DENND1B: variants seen among roughly 807,000 people sequenced by gnomAD.
DENND1B encodes the protein DENN domain-containing protein 1B.
DENND1B carries 59 observed loss-of-function variants against 90.1 expected under a neutral mutation model. The ratio of observed to expected loss-of-function variants is 0.65; its 90% CI spans 0.53 to 0.81. The LOEUF (loss-of-function observed/expected upper bound fraction) is 0.81. DENND1B is among the 40% of genes least tolerant of loss of function. DENND1B has a pLI of 0.00. For synonymous variants in DENND1B, 337 were observed against 324.6 expected (o/e 1.04, Z -0.41); for missense variants, 862 against 912.6 (o/e 0.94, Z 0.71).
At chr1:197,645,039 A>G (rs1430430004) in intron 9 of DENND1B, among the ~76,000 whole-genome samples, 3 of 152,134 alleles carry the variant, frequency 2.0e-5, no homozygotes, top group Non-Finnish European at 4.4e-5. Context: ...CTACTTGTCT[A>G]TGTAAACATT....
intron 4 of DENND1B, 111 bp from the exon 5 acceptor site, chr1:197,672,267 G>A: frequency 1.5e-6 from 2 of 1,291,618 alleles, no homozygotes; most frequent in Non-Finnish European, 2.1e-6. Flanking sequence ...TTTCTAATCA[G>A]TTGGTTCTTG....
intron 20 of DENND1B, among the ~76,000 whole-genome samples, chr1:197,516,094 CATTTCTATATAGGG>C (rs1668378518): frequency 6.6e-6 from 1 of 151,734 alleles, no homozygotes; most frequent in Non-Finnish European, 1.5e-5. Context: ...GCATTCTATC[CATTTCTATATAGGG>C]ATGTTAAACA....
intron 15 of DENND1B, among the ~76,000 whole-genome samples, chr1:197,564,379 C>A (rs1571891981): frequency 2.5e-5 from 2 of 79,046 alleles, no homozygotes; most frequent in Non-Finnish European, 2.3e-5. Flanking sequence ...AATACTGAGG[C>A]AAGAACCTCC....
intron 2 of DENND1B, among the ~76,000 whole-genome samples, chr1:197,745,937 C>T (rs1663700026): frequency 1.3e-5 from 2 of 152,026 alleles, no homozygotes; most frequent in Non-Finnish European, 2.9e-5. Context: ...TCTACTGCTT[C>T]CAATAAAAAA....
At chr1:197,583,454 C>T (rs540634752) in intron 14 of DENND1B, among the ~76,000 whole-genome samples, 10 of 152,112 alleles carry the variant, frequency 6.6e-5, no homozygotes, top group Non-Finnish European at 1.5e-4. Flanking sequence ...TCCAGGATCC[C>T]ATGTACTCTT....
chr1:197,536,151 A>AT (rs1159496077), intron 20 of DENND1B, among the ~76,000 whole-genome samples: 2,865 of 114,092 alleles, frequency 0.025, 102 homozygotes, highest in African/African-American at 0.084. Context: ...AGAGAGAGAG[A>AT]GAGAGAGATA....
chr1:197,772,864 A>G lies in DENND1B; in HGVS notation c.82+4T>C. 6.4e-7 allele frequency: 1 copy of G among 1,551,178 alleles called. No individual in the cohort carries two copies. The highest frequency in any genetic ancestry group is 1.2e-5 in the South Asian group (1 of 83,992). On this transcript the variant is annotated splice_donor_region_variant and intron_variant, in intron 2 of 22. Transcript: ENST00000620048. Reference sequence around the variant, plus strand: ...TCAAATAACAGAACACAGAAGACACATACCTTCATTTTCAGAGGCATGACA... The same window carrying G: ...TCAAATAACAGAACACAGAAGACACGTACCTTCATTTTCAGAGGCATGACA...
At chr1:197,529,318 ATGTG>A (rs1379252642) in intron 20 of DENND1B, among the ~76,000 whole-genome samples, 11 of 146,956 alleles carry the variant, frequency 7.5e-5, no homozygotes, top group African/African-American at 2.8e-4. Flanking sequence ...ATGTATATAT[ATGTG>A]TGTATATATA....
At chr1:197,631,852 CATAATT>C (rs1231237019) in intron 10 of DENND1B, among the ~76,000 whole-genome samples, 2 of 151,934 alleles carry the variant, frequency 1.3e-5, no homozygotes, top group East Asian at 3.9e-4. Flanking sequence ...TATGCATACA[CATAATT>C]ATAAAGTGAA....
intron 14 of DENND1B, among the ~76,000 whole-genome samples, chr1:197,587,584 T>C (rs755190935): frequency 6.6e-6 from 1 of 152,164 alleles, no homozygotes; most frequent in Admixed American, 6.5e-5. Flanking sequence ...ATATATCTTA[T>C]CTGTGAACTC....
intron 5 of DENND1B, among the ~76,000 whole-genome samples, chr1:197,661,516 G>A (rs1654404236): frequency 1.3e-5 from 2 of 152,006 alleles, no homozygotes; most frequent in South Asian, 4.1e-4. Flanking sequence ...AGAACATGCT[G>A]GTCTGTTTCT....
the DENND1B span, among the ~76,000 whole-genome samples, chr1:197,781,838 T>G: frequency 6.6e-6 from 1 of 152,224 alleles, no homozygotes; most frequent in African/African-American, 2.4e-5. Flanking sequence ...ATTTCTAAAA[T>G]TCAATGGGTC....
intron 22 of DENND1B, 54 bp from the exon 23 acceptor site, chr1:197,511,026 A>T: frequency 4.2e-6 from 6 of 1,413,578 alleles, no homozygotes; most frequent in Non-Finnish European, 5.6e-6. Context: ...GCATTAATTT[A>T]GTTCTTTTTT....
chr1:197,669,126 A>G (rs1489988315), intron 5 of DENND1B, among the ~76,000 whole-genome samples: 1 of 152,090 alleles, frequency 6.6e-6, no homozygotes, highest in East Asian at 1.9e-4. Context: ...GTGGTTGTAA[A>G]TATATTTCCA....
intron 10 of DENND1B, among the ~76,000 whole-genome samples, chr1:197,622,485 C>T (rs1213806883): frequency 6.6e-6 from 1 of 151,402 alleles, no homozygotes; most frequent in Non-Finnish European, 1.5e-5. Flanking sequence ...CTTTGAATAG[C>T]ATCCACTGAC....
intron 10 of DENND1B, among the ~76,000 whole-genome samples, chr1:197,642,507 A>G (rs1680351219): frequency 6.6e-6 from 1 of 152,238 alleles, no homozygotes. Flanking sequence ...AGAAAAAATA[A>G]TTAACCTGAC....
chr1:197,521,163 T>G (rs1668748166), intron 20 of DENND1B, among the ~76,000 whole-genome samples: 1 of 151,954 alleles, frequency 6.6e-6, no homozygotes, highest in East Asian at 1.9e-4. Context: ...ATCATAGAAC[T>G]TAATGTCTGA....
chr1:197,535,043 A>G (rs1669775444), intron 20 of DENND1B, among the ~76,000 whole-genome samples: 1 of 152,234 alleles, frequency 6.6e-6, no homozygotes, highest in Non-Finnish European at 1.5e-5. Flanking sequence ...GACTGCAAAG[A>G]AAAGGCAGCA....
intron 2 of DENND1B, among the ~76,000 whole-genome samples, chr1:197,761,180 A>C (rs968773779): frequency 6.6e-6 from 1 of 152,190 alleles, no homozygotes; most frequent in Non-Finnish European, 1.5e-5. Flanking sequence ...TAATAAGAAC[A>C]AAAAAATTTT....
Sources: gnomAD v4.1 joint callset for allele counts (sites outside exome capture counted in the v4.1 genomes callset) on GRCh38, gnomAD v4.1.1 for gene constraint, MANE v1.5 for transcripts, NCBI Gene and HGNC (gene_info 2026-07-23, HGNC 2026-07-21) for gene names.